Variants in NUP98 observed in about 807,000 individuals in gnomAD.
NUP98 encodes nuclear pore complex protein Nup98-Nup96.
A neutral mutation model predicts 191.9 loss-of-function variants in NUP98; 26 were observed. That is an observed-to-expected ratio of 0.14 (90% CI 0.10 to 0.19). The LOEUF (loss-of-function observed/expected upper bound fraction) is 0.19. NUP98 is among the 10% of genes least tolerant of loss of function. The pLI, the probability that NUP98 is intolerant of heterozygous loss-of-function variation, is 1.00. For missense variants in NUP98, 1,941 were observed against 2,178.8 expected (o/e 0.89, Z 2.17); for synonymous variants, 808 against 778.4 (o/e 1.04, Z -0.63).
chr11:3,723,729 T>TA (rs1444994667), intron 15 of NUP98, among the ~76,000 whole-genome samples: 1 of 150,446 alleles, frequency 6.6e-6, no homozygotes, highest in Non-Finnish European at 1.5e-5. Flanking sequence ...AACAAAATGT[T>TA]AAAAAATGCT....
chr11:3,702,311 ACACTCTCTCT>A (rs1298128371), intron 23 of NUP98, 142 bp downstream of exon 23: 264 of 423,870 alleles, frequency 6.2e-4, no homozygotes, highest in African/African-American at 3.2e-3. Context: ...ACACACACAC[ACACTCTCTCT>A]CTCTCTCTCT....
At chr11:3,702,280 GACACACACACACAC>G (rs537147629) in intron 23 of NUP98, among the ~76,000 whole-genome samples, 169 bp downstream of exon 23, 11 of 108,480 alleles carry the variant, frequency 1.0e-4, no homozygotes, top group Admixed American at 1.9e-4. Flanking sequence ...GCAAAACTGA[GACACACACACACAC>G]ACACACACAC....
rs571741521 is a variant in NUP98 at position 3,739,318 on chromosome 11, C to T, written c.1409-3994G>A. On this transcript the variant is annotated intron_variant, in intron 12 of 32. Transcript: ENST00000324932. ...AGGCTGGAGCGCAGTAGCGCGATCTCGGCTCACTGCAACCTCTGCCTCCCA... is the reference window on the plus strand; with the variant it reads ...AGGCTGGAGCGCAGTAGCGCGATCTTGGCTCACTGCAACCTCTGCCTCCCA... Among the ~76,000 whole-genome samples the T allele has an allele frequency of 1.2e-4, 19 of 152,260 alleles. No individual in the cohort carries two copies. The East Asian group carries it at 3.7e-3, about 29-fold the overall frequency.
chr11:3,683,881 A>G (rs1325674928), intron 29 of NUP98, among the ~76,000 whole-genome samples: 2 of 152,096 alleles, frequency 1.3e-5, no homozygotes, highest in Non-Finnish European at 2.9e-5. Flanking sequence ...TAAAAAAATC[A>G]AAGGTGATCT....
chr11:3,735,874 G>C (rs2080035677), intron 12 of NUP98, among the ~76,000 whole-genome samples: 1 of 148,936 alleles, frequency 6.7e-6, no homozygotes, highest in Non-Finnish European at 1.5e-5. Flanking sequence ...ATTGTCCAAA[G>C]GAAATAATAT....
intron 11 of NUP98, among the ~76,000 whole-genome samples, chr11:3,748,709 A>G (rs2080606493): frequency 6.6e-6 from 1 of 152,250 alleles, no homozygotes; most frequent in African/African-American, 2.4e-5. Flanking sequence ...GAGCAAAAGA[A>G]AAAAAAGAAA....
At chr11:3,733,306 A>C (rs990738374) in intron 13 of NUP98, among the ~76,000 whole-genome samples, 3 of 151,998 alleles carry the variant, frequency 2.0e-5, no homozygotes, top group African/African-American at 7.3e-5. Flanking sequence ...CCTTTCACTT[A>C]ACGTTTTCTT....
Position 3,700,696 on chromosome 11 carries a change from A to T in NUP98, c.3656T>A (p.Leu1219His). 1 of 1,614,214 alleles carries T rather than the reference A, an allele frequency of 6.2e-7. No homozygotes were observed. The highest frequency in any genetic ancestry group is 1.3e-5 in the African/African-American group (1 of 75,070). The change falls in exon 24 of 33, where the codon CTC (leucine) becomes CAC (histidine). Residue 1219 changes from leucine to histidine, a missense_variant. Physicochemically the swap from Leu to His is moderately conservative, Grantham distance 99 (BLOSUM62 -3). Around this residue, in one of 6 missense-constraint regions of NUP98, gnomAD observed 1,030 missense variants for 1,115.8 expected, o/e 0.92. Transcript: ENST00000324932. ...STVHVDELCP[L>H]IVPNLGVAVI... ...AGCAACTCCCAGATTGGGGACAATG[A>T]GAGGACACAGTTCATCCACATGGAC...
chr11:3,728,104 C>G (rs534873483), intron 14 of NUP98, among the ~76,000 whole-genome samples: 6 of 152,154 alleles, frequency 3.9e-5, no homozygotes, highest in Non-Finnish European at 8.8e-5. Context: ...TCAGGGTTAA[C>G]TATATGGATA....
rs146528708 is a variant in NUP98 at position 3,699,321 on chromosome 11, G to A, written c.3770C>T (p.Thr1257Ile). 3 of 1,614,050 alleles carry A rather than the reference G, an allele frequency of 1.9e-6. No homozygotes were observed. Among genetic ancestry groups the A allele is most frequent in the Non-Finnish European group, 2.5e-6 (3 of 1,180,000 alleles). Reference protein sequence around the residue: ...QIVKHWSLTWTLCEALWGHLK... With the variant: ...QIVKHWSLTWILCEALWGHLK... ...GTGGCCCCATAGGGCTTCACATAGT[G>A]TCCATGTCAGGCTCCAGTGCTTCAC... The change falls in exon 25 of 33, where the codon ACA (threonine) becomes ATA (isoleucine). Residue 1257 changes from threonine (T) to isoleucine (I), a missense_variant. This residue lies in a region of NUP98 where 1,030 missense variants were observed against 1,115.8 expected (regional missense o/e 0.92). Transcript: ENST00000324932.
intron 4 of NUP98, among the ~76,000 whole-genome samples, chr11:3,778,002 T>C (rs1350118885): frequency 2.0e-5 from 3 of 151,488 alleles, no homozygotes; most frequent in East Asian, 3.9e-4. Flanking sequence ...ATCGAGACCA[T>C]CCTGGCTAAC....
rs1375747503 is a variant in NUP98 at position 3,686,074 on chromosome 11, C to T, written c.4575G>A (p.Ala1525=). The change falls in exon 29 of 33, where the codon GCG becomes GCA. Residue 1525 remains alanine, a synonymous_variant. Transcript: ENST00000324932. ...LRALNYTHLS[A]QCEGVLQASY... is the part of the protein sequence containing the mutation. ...TGGCCTGTAGCACACCTTCACACTGCGCTGAGAGATGGGTGTAGTTAAGAG... is the reference window on the plus strand; with the variant it reads ...TGGCCTGTAGCACACCTTCACACTGTGCTGAGAGATGGGTGTAGTTAAGAG... 6.2e-6 allele frequency: 10 copies of T among 1,614,070 alleles called. No homozygotes were observed. Among genetic ancestry groups the T allele is most frequent in the Non-Finnish European group, 8.5e-6 (10 of 1,180,036 alleles).
intron 1 of NUP98, among the ~76,000 whole-genome samples, chr11:3,794,826 C>A (rs540138819): frequency 6.6e-6 from 1 of 152,144 alleles, no homozygotes; most frequent in Admixed American, 6.5e-5. Flanking sequence ...GTTGCCCAGG[C>A]TAGTCTTGAA....
Position 3,679,534 on chromosome 11 carries a change from A to G in NUP98, c.5073+20T>C. 1 of 1,614,080 alleles carries G rather than the reference A, an allele frequency of 6.2e-7. No homozygotes were observed. The highest frequency in any genetic ancestry group is 8.5e-7 in the Non-Finnish European group (1 of 1,179,930). On this transcript the variant is annotated intron_variant, in intron 31 of 32. Coordinates refer to ENST00000324932, the MANE Select transcript of NUP98 (RefSeq NM_016320.5). ...CCTGAGAAAAGGAAAATCAGGCAGC[A>G]GTTTCAGGATCTCAGGTACCTGCTG... is the stretch of plus-strand genomic sequence containing the variant.
intron 15 of NUP98, among the ~76,000 whole-genome samples, chr11:3,724,268 C>A (rs2079524664): frequency 6.6e-6 from 1 of 150,734 alleles, no homozygotes; most frequent in South Asian, 2.1e-4. Flanking sequence ...CCTGTTTCTA[C>A]TAAAAATACA....
chr11:3,755,186 T>C lies in NUP98; in HGVS notation c.1175-1778A>G, dbSNP rs577599652. On this transcript the variant is annotated intron_variant, in intron 10 of 32. Coordinates refer to ENST00000324932, the MANE Select transcript of NUP98 (RefSeq NM_016320.5). ...AAAAGTCATAAAGCACTGGGCATGA[T>C]GGCTCACGCCTGTAATCCCAACACA... Among the ~76,000 whole-genome samples the C allele has an allele frequency of 2.0e-5, 3 of 152,136 alleles. No individual in the cohort carries two copies. In the South Asian group the frequency reaches 6.2e-4, roughly 32 times the overall value.
Position 3,745,165 on chromosome 11 carries a change from AAATT to A in NUP98, c.1268-520_1268-517del, listed in dbSNP as rs572939570. 4.1e-4 allele frequency among the ~76,000 whole-genome samples: 63 copies of A among 152,346 alleles called. No homozygotes were observed. In the South Asian group the frequency reaches 0.011, roughly 27 times the overall value. On this transcript the variant is annotated intron_variant, in intron 11 of 32. Coordinates refer to ENST00000324932, the MANE Select transcript of NUP98 (RefSeq NM_016320.5). ...AAACAGGTTTCCAAAGAATTTTTAA[AAATT>A]AATTATTCTTAAAATTCAATACTTG...
rs2081225824 is a variant in NUP98 at position 3,763,048 on chromosome 11, A to T, written c.949-9T>A. 1 of 1,612,332 alleles carries T rather than the reference A, an allele frequency of 6.2e-7. No individual in the cohort carries two copies. Among genetic ancestry groups the T allele is most frequent in the South Asian group, 1.1e-5 (1 of 90,698 alleles). On this transcript the variant is annotated splice_polypyrimidine_tract_variant and intron_variant, in intron 8 of 32. Coordinates refer to ENST00000324932, the MANE Select transcript of NUP98 (RefSeq NM_016320.5). ...GTTACTCCAAATAATCCCTGCAAAGAAGTTTATATAGATTAAAAGATATCC... is the reference window on the plus strand; with the variant it reads ...GTTACTCCAAATAATCCCTGCAAAGTAGTTTATATAGATTAAAAGATATCC...
intron 5 of NUP98, among the ~76,000 whole-genome samples, 195 bp downstream of exon 5, chr11:3,775,687 A>AT (rs139163166): frequency 0.014 from 2,126 of 152,286 alleles, 44 homozygotes; most frequent in African/African-American, 0.049. Context: ...CCTAATTCAA[A>AT]TATACATCGT....
Sources: allele counts gnomAD v4.1 joint callset (sites outside exome capture counted in the v4.1 genomes callset), GRCh38; gene constraint gnomAD v4.1.1; regional missense constraint gnomAD v4.1.1; transcripts MANE v1.5; gene names NCBI Gene and HGNC (gene_info 2026-07-23, HGNC 2026-07-21).